The following AP3B1 variants were observed in gnomAD, a reference collection of about 807,000 sequenced individuals.
The protein encoded by AP3B1 is AP-3 complex subunit beta-1.
AP3B1 carries 61 observed loss-of-function variants against 132.5 expected under a neutral mutation model. The ratio of observed to expected loss-of-function variants is 0.46; its 90% CI spans 0.37 to 0.57. The LOEUF is 0.57. AP3B1 is among the 20% of genes least tolerant of loss of function. The pLI is 0.00. For synonymous variants in AP3B1, 388 were observed against 438.3 expected (o/e 0.89, Z 1.43); for missense variants, 1,120 against 1,289.4 (o/e 0.87, Z 2.01).
intron 1 of AP3B1, 52 bp downstream of exon 1, chr5:78,294,400 C>T: frequency 1.2e-6 from 2 of 1,612,450 alleles, no homozygotes; most frequent in Non-Finnish European, 1.7e-6. Flanking sequence ...CCCACTCCTC[C>T]GAGTCCGCAG....
chr5:78,215,525 C>T (rs1745923947), intron 7 of AP3B1, among the ~76,000 whole-genome samples: 1 of 152,102 alleles, frequency 6.6e-6, no homozygotes, highest in Non-Finnish European at 1.5e-5. Flanking sequence ...TTACTAAATG[C>T]TACCAGCTAA....
chr5:78,026,491 A>C (rs564871635), intron 24 of AP3B1, among the ~76,000 whole-genome samples: 282 of 152,314 alleles, frequency 1.9e-3, no homozygotes, highest in Admixed American at 3.0e-3. Flanking sequence ...AGTTTTAACT[A>C]TTAAAGGAAA....
intron 2 of AP3B1, among the ~76,000 whole-genome samples, chr5:78,266,372 A>T (rs1748324027): frequency 6.6e-6 from 1 of 152,204 alleles, no homozygotes; most frequent in Non-Finnish European, 1.5e-5. Flanking sequence ...CTGCCAAATG[A>T]CATAAACATG....
intron 22 of AP3B1, among the ~76,000 whole-genome samples, chr5:78,078,258 C>T (rs1011161162): frequency 3.9e-5 from 6 of 152,208 alleles, no homozygotes; most frequent in African/African-American, 7.2e-5. Flanking sequence ...CTGGGTACCA[C>T]TATCCAGATA....
intron 21 of AP3B1, 31 bp downstream of exon 21, chr5:78,100,922 C>G: frequency 1.5e-6 from 2 of 1,317,156 alleles, no homozygotes; most frequent in Non-Finnish European, 2.2e-6. Context: ...TTACTAAACA[C>G]AGAAGAAATA....
intron 5 of AP3B1, among the ~76,000 whole-genome samples, 196 bp from the exon 6 acceptor site, chr5:78,225,804 T>C (rs1211265283): frequency 6.6e-6 from 1 of 151,962 alleles, no homozygotes; most frequent in Non-Finnish European, 1.5e-5. Context: ...CTAATATTGT[T>C]CATATTAACT....
At chr5:78,192,207 C>T (rs551218667) in intron 7 of AP3B1, among the ~76,000 whole-genome samples, 16 of 147,332 alleles carry the variant, frequency 1.1e-4, no homozygotes, top group Admixed American at 2.0e-4. Flanking sequence ...AATAAGCATA[C>T]AAGAAAAAAA....
chr5:78,242,431 G>C (rs1373199196), intron 2 of AP3B1, among the ~76,000 whole-genome samples: 1 of 151,672 alleles, frequency 6.6e-6, no homozygotes, highest in African/African-American at 2.4e-5. Context: ...TTTTAAGACA[G>C]TATCTCACTC....
At chr5:78,064,605 T>C (rs565091127) in intron 22 of AP3B1, among the ~76,000 whole-genome samples, 85 of 152,310 alleles carry the variant, frequency 5.6e-4, no homozygotes, top group African/African-American at 2.0e-3. Context: ...CTTAGAAAGA[T>C]GTGCTTTAAA....
intron 7 of AP3B1, among the ~76,000 whole-genome samples, chr5:78,209,058 A>T (rs929803260): frequency 1.4e-4 from 21 of 152,120 alleles, no homozygotes; most frequent in Admixed American, 1.3e-3. Flanking sequence ...AAGAAATAGC[A>T]ATATATGTCT....
intron 25 of AP3B1, chr5:78,015,766 A>G: frequency 3.9e-6 from 2 of 510,036 alleles, no homozygotes; most frequent in Non-Finnish European, 7.0e-6. Context: ...AAAATTCAGT[A>G]AAAAATCACT....
chr5:78,253,583 A>T (rs1747726457), intron 2 of AP3B1, among the ~76,000 whole-genome samples: 1 of 152,214 alleles, frequency 6.6e-6, no homozygotes, highest in Admixed American at 6.5e-5. Flanking sequence ...TTCTGGAAAA[A>T]GAGAAATATG....
At chr5:78,088,244 A>G (rs1750349346) in intron 22 of AP3B1, among the ~76,000 whole-genome samples, 1 of 152,212 alleles carries the variant, frequency 6.6e-6, no homozygotes, top group African/African-American at 2.4e-5. Flanking sequence ...CTTATTTTCA[A>G]TGCTTCTCCC....
intron 2 of AP3B1, among the ~76,000 whole-genome samples, chr5:78,243,573 A>AAT (rs1297436393): frequency 6.6e-6 from 1 of 152,234 alleles, no homozygotes; most frequent in Non-Finnish European, 1.5e-5. Context: ...GTGAGGTGGC[A>AAT]ATAGACTACT....
chr5:78,156,190 C>T (rs1217214060), intron 14 of AP3B1, 68 bp downstream of exon 14: 3 of 1,120,168 alleles, frequency 2.7e-6, no homozygotes, highest in Non-Finnish European at 2.7e-6. Flanking sequence ...TTTAGGCTGA[C>T]CATTTATTTT....
intron 7 of AP3B1, among the ~76,000 whole-genome samples, chr5:78,182,054 A>C (rs1744394282): frequency 6.6e-6 from 1 of 152,224 alleles, no homozygotes; most frequent in African/African-American, 2.4e-5. Flanking sequence ...AAAGAGTCAA[A>C]AAAAGAGGAG....
At chr5:78,227,591 C>T (rs1746450857) in intron 4 of AP3B1, 59 bp from the exon 5 acceptor site, 1 of 1,550,480 alleles carries the variant, frequency 6.4e-7, no homozygotes. Context: ...TTAAACATAT[C>T]TTTCAGACAC....
chr5:78,237,323 G>A (rs147377881), intron 3 of AP3B1, among the ~76,000 whole-genome samples: 92 of 146,270 alleles, frequency 6.3e-4, no homozygotes, highest in African/African-American at 2.3e-3. Context: ...TGGAGACCTC[G>A]TCTCTACAAA....
intron 20 of AP3B1, among the ~76,000 whole-genome samples, chr5:78,104,839 T>C (rs1580351553): frequency 1.3e-5 from 2 of 152,164 alleles, no homozygotes; most frequent in African/African-American, 4.8e-5. Context: ...TCAGTTTCTT[T>C]GCACCTCCCA....
Sources: allele counts gnomAD v4.1 joint callset (sites outside exome capture counted in the v4.1 genomes callset), GRCh38; gene constraint gnomAD v4.1.1; transcripts MANE v1.5; gene names NCBI Gene and HGNC (gene_info 2026-07-23, HGNC 2026-07-21).